Variants in PIRT observed in about 807,000 individuals in gnomAD.
The protein encoded by PIRT is phosphoinositide interacting regulator of transient receptor potential channels, also known as phosphoinositide-interacting protein.
PIRT carries 6 observed loss-of-function variants against 7.9 expected under a neutral mutation model. That is an observed-to-expected ratio of 0.76 (90% CI 0.42 to 1.51). PIRT has a LOEUF of 1.51. PIRT is among the 40% of genes most tolerant of loss of function. PIRT has a pLI of 0.01. For missense variants in PIRT, 170 were observed against 172.9 expected (o/e 0.98, Z 0.09); for synonymous variants, 78 against 71.8 (o/e 1.09, Z -0.44).
Position 10,825,007 on chromosome 17 carries a change from C to T in PIRT, c.*225G>A, listed in dbSNP as rs778121474. ...GAGTGACCAAAGGGAAGGCCACAGC[C>T]GGGATCCAAGGAAGCATCAGTCAGA... On this transcript the variant is annotated 3_prime_UTR_variant, in exon 2 of 2. Coordinates refer to ENST00000580256, the MANE Select transcript of PIRT (RefSeq NM_001101387.2). 8.6e-5 allele frequency: 52 copies of T among 603,454 alleles called. 1 individual carries two copies. The highest frequency in any genetic ancestry group is 1.2e-4 in the East Asian group (4 of 34,684). The allele number at this position is 603,454 out of a possible 1,614,324, so 37.4% of individuals were successfully genotyped here. A position where few individuals can be genotyped will look rare whatever the true frequency, so the allele number is the denominator to read the frequency against.
chr17:10,828,613 TG>T (rs1905388624), intron 1 of PIRT, among the ~76,000 whole-genome samples: 1 of 152,168 alleles, frequency 6.6e-6, no homozygotes, highest in African/African-American at 2.4e-5. Context: ...AAATGTAACA[TG>T]TATCAGGGCT....
At chr17:10,833,967 T>C (rs1258818430) in intron 1 of PIRT, among the ~76,000 whole-genome samples, 2 of 151,974 alleles carry the variant, frequency 1.3e-5, no homozygotes. Context: ...TGGGAAAATC[T>C]CACAATACCG....
intron 1 of PIRT, among the ~76,000 whole-genome samples, chr17:10,836,866 G>A (rs1905604144): frequency 6.6e-6 from 1 of 152,156 alleles, no homozygotes. Flanking sequence ...AAGAAGTGGA[G>A]GGTCCTCCTG....
Position 10,824,954 on chromosome 17 carries a change from G to A in PIRT, c.*278C>T, listed in dbSNP as rs2151532709. 3 of 447,188 alleles carry A rather than the reference G, an allele frequency of 6.7e-6. No individual in the cohort carries two copies. In the East Asian group the frequency reaches 1.1e-4, roughly 17 times the overall value. 27.7% of individuals were successfully genotyped at this position (447,188 alleles called of 1,614,324 possible). On this transcript the variant is annotated 3_prime_UTR_variant, in exon 2 of 2. Coordinates refer to ENST00000580256, the MANE Select transcript of PIRT (RefSeq NM_001101387.2). The stretch of plus-strand genomic sequence containing the variant: ...ACTTGGCAGAGAGAGTTGGATGAAT[G>A]ATGCCTGGATGCAGGGGCAGGGGGT...
At chr17:10,827,118 G>A (rs1375755221) in intron 1 of PIRT, among the ~76,000 whole-genome samples, 1 of 152,054 alleles carries the variant, frequency 6.6e-6, no homozygotes, top group African/African-American at 2.4e-5. Context: ...GGCCCCCACA[G>A]TGCAACCTTC....
At chr17:10,833,226 A>T (rs1043702773) in intron 1 of PIRT, among the ~76,000 whole-genome samples, 14 of 152,222 alleles carry the variant, frequency 9.2e-5, no homozygotes, top group Admixed American at 4.6e-4. Flanking sequence ...CTAGAGCTGG[A>T]TCCTGGGTCT....
intron 1 of PIRT, among the ~76,000 whole-genome samples, chr17:10,835,156 G>T (rs552617335): frequency 1.3e-5 from 2 of 152,184 alleles, no homozygotes; most frequent in Non-Finnish European, 2.9e-5. Context: ...GCTTCCTTCT[G>T]CTGGCCGAAG....
intron 1 of PIRT, among the ~76,000 whole-genome samples, chr17:10,829,056 C>T (rs1905402194): frequency 6.6e-6 from 1 of 152,168 alleles, no homozygotes; most frequent in Admixed American, 6.5e-5. Context: ...CCCCTGTGGG[C>T]TTGGGGGTAG....
At chr17:10,829,692 C>T (rs1905416333) in intron 1 of PIRT, among the ~76,000 whole-genome samples, 1 of 152,186 alleles carries the variant, frequency 6.6e-6, no homozygotes, top group Non-Finnish European at 1.5e-5. Context: ...AATAATCTCT[C>T]AATGAATACA....
intron 1 of PIRT, among the ~76,000 whole-genome samples, chr17:10,832,178 G>T (rs1051461346): frequency 6.6e-5 from 10 of 152,048 alleles, no homozygotes; most frequent in Non-Finnish European, 1.0e-4. Context: ...GACTTTTGAG[G>T]TGCTGGCAAC....
At chr17:10,837,345 G>A (rs1905615455) in intron 1 of PIRT, among the ~76,000 whole-genome samples, 1 of 152,220 alleles carries the variant, frequency 6.6e-6, no homozygotes, top group Non-Finnish European at 1.5e-5. Flanking sequence ...GTTTGCATGT[G>A]CCTGCCTTGT....
rs1905287232 is a variant in PIRT, at chr17:10,825,381, G to A, written c.265C>T (p.Leu89Phe). ...AGGAAGCCAGGCCCTACCATTTTGAGGATGGAGAGACTCTTGTCACTCAGC... is the reference window on the plus strand; with the variant it reads ...AGGAAGCCAGGCCCTACCATTTTGAAGATGGAGAGACTCTTGTCACTCAGC... Reference protein sequence around the residue: ...LKLSDKSLSILKMVGPGFLSL... With the variant: ...LKLSDKSLSIFKMVGPGFLSL... Residue 89 changes from leucine (L) to phenylalanine (F), a missense_variant, in exon 2 of 2, where the codon CTC becomes TTC. Physicochemically the swap from Leu to Phe is conservative, Grantham distance 22. Coordinates refer to ENST00000580256, the MANE Select transcript of PIRT (RefSeq NM_001101387.2). 2 of 1,613,960 alleles carry A rather than the reference G, an allele frequency of 1.2e-6. No homozygotes were observed. Among genetic ancestry groups the A allele is most frequent in the Non-Finnish European group, 1.7e-6 (2 of 1,179,894 alleles).
At chr17:10,828,763 G>T (rs1905392945) in intron 1 of PIRT, among the ~76,000 whole-genome samples, 1 of 152,158 alleles carries the variant, frequency 6.6e-6, no homozygotes, top group South Asian at 2.1e-4. Context: ...GCTCAGGCCT[G>T]AACTTTTCTG....
chr17:10,834,340 T>TCTTCCACA (rs1905533339), intron 1 of PIRT, among the ~76,000 whole-genome samples: 1 of 152,022 alleles, frequency 6.6e-6, no homozygotes, highest in Non-Finnish European at 1.5e-5. Context: ...ACAGACATGC[T>TCTTCCACA]GGGTGGAAGA....
In PIRT at chr17:10,825,384, T is replaced by C. The variant is rs776636200; in HGVS notation, c.262A>G (p.Ile88Val). The C allele has an allele frequency of 6.2e-7, 1 of 1,613,834 alleles. No homozygotes were observed. Among genetic ancestry groups the C allele is most frequent in the Non-Finnish European group, 8.5e-7 (1 of 1,179,900 alleles). Residue 88 changes from isoleucine (I) to valine (V), a missense_variant, in exon 2 of 2, where the codon ATC (isoleucine) becomes GTC (valine). Physicochemically the swap from Ile to Val is conservative, Grantham distance 29. Coordinates refer to ENST00000580256, the MANE Select transcript of PIRT (RefSeq NM_001101387.2). ...TLKLSDKSLS[I>V]LKMVGPGFLS... ...AAGCCAGGCCCTACCATTTTGAGGA[T>C]GGAGAGACTCTTGTCACTCAGCTTC...
chr17:10,824,891 C>T lies in PIRT; in HGVS notation c.*341G>A, dbSNP rs1597586412. On this transcript the variant is annotated 3_prime_UTR_variant, in exon 2 of 2. Coordinates refer to ENST00000580256, the MANE Select transcript of PIRT (RefSeq NM_001101387.2). ...TGTAAACATGAGGTTCTCCCTTGGG[C>T]ATAGCCCACCTTCGAAGAATTTCCC... 6.9e-6 allele frequency: 2 copies of T among 291,594 alleles called. No homozygotes were observed. Among genetic ancestry groups the T allele is most frequent in the Middle Eastern group, 1.1e-3 (1 of 922 alleles). 18.1% of individuals were successfully genotyped at this position (291,594 alleles called of 1,614,324 possible).
chr17:10,836,587 G>C (rs1004331588), intron 1 of PIRT, among the ~76,000 whole-genome samples: 2 of 152,170 alleles, frequency 1.3e-5, no homozygotes, highest in African/African-American at 4.8e-5. Context: ...AATATTGTAA[G>C]AGATCCCGCT....
At chr17:10,834,586 A>ATTTCTT (rs1054803295) in intron 1 of PIRT, among the ~76,000 whole-genome samples, 3 of 152,046 alleles carry the variant, frequency 2.0e-5, no homozygotes, top group African/African-American at 4.8e-5. Flanking sequence ...AGATCTGTGC[A>ATTTCTT]TTTCTTTTTC....
rs1194839960 is a variant in PIRT at position 10,824,153 on chromosome 17, C to T, written c.*1079G>A. The T allele has an allele frequency of 1.3e-5, 2 of 152,266 alleles. No individual in the cohort carries two copies. The highest frequency in any genetic ancestry group is 2.1e-4 in the South Asian group (1 of 4,828). The allele number at this position is 152,266 out of a possible 1,614,324, so 9.4% of individuals were successfully genotyped here. On this transcript the variant is annotated 3_prime_UTR_variant, in exon 2 of 2. Transcript: ENST00000580256. ...CAGTTGGCTTGGCTGCCTCTCTCAC[C>T]TCGGGAAGCAAGAAGACATCAGGGA... is the stretch of plus-strand genomic sequence containing the variant.
Sources: gnomAD v4.1 joint callset for allele counts (sites outside exome capture counted in the v4.1 genomes callset) on GRCh38, gnomAD v4.1.1 for gene constraint, MANE v1.5 for transcripts, NCBI Gene and HGNC (gene_info 2026-07-23, HGNC 2026-07-21) for gene names.